The following FSHR variants were observed in gnomAD, a reference collection of about 807,000 sequenced individuals.
FSHR encodes follicle-stimulating hormone receptor.
FSHR carries 46 observed loss-of-function variants against 52.1 expected under a neutral mutation model. That is an observed-to-expected ratio of 0.88 (90% CI 0.70 to 1.13). The LOEUF is 1.13. FSHR is among the 50% of genes most tolerant of loss of function. The pLI, the probability that FSHR is intolerant of heterozygous loss-of-function variation, is 0.00. For synonymous variants in FSHR, 399 were observed against 309.6 expected (o/e 1.29, Z -3.03); for missense variants, 964 against 834.6 (o/e 1.16, Z -1.91).
chr2:48,962,538 ATTG>A lies in FSHR; in HGVS notation c.*192_*194del. ...TACAGTATTGCATTCTTTAATTATT[ATTG>A]TTGTTACTAATAATTCAGCTTCCTA... On this transcript the variant is annotated 3_prime_UTR_variant, in exon 10 of 10. Coordinates refer to ENST00000406846, the MANE Select transcript of FSHR (RefSeq NM_000145.4). 1 of 606,874 alleles carries A rather than the reference ATTG, an allele frequency of 1.6e-6. No individual in the cohort carries two copies. The highest frequency in any genetic ancestry group is 2.9e-6 in the Non-Finnish European group (1 of 344,362). 37.6% of individuals were successfully genotyped at this position (606,874 alleles called of 1,614,324 possible). A position where few individuals can be genotyped will look rare whatever the true frequency, so the allele number is the denominator to read the frequency against.
intron 1 of FSHR, among the ~76,000 whole-genome samples, chr2:49,096,017 A>G (rs1011835690): frequency 6.6e-6 from 1 of 152,222 alleles, no homozygotes; most frequent in Admixed American, 6.5e-5. Flanking sequence ...CATTGGTAGT[A>G]GAAATGTAAA....
chr2:49,045,569 G>GA (rs60550259), intron 2 of FSHR, among the ~76,000 whole-genome samples: 9,457 of 152,138 alleles, frequency 0.062, 346 homozygotes, highest in African/African-American at 0.08. Flanking sequence ...GCAAAAACAA[G>GA]AAAAAAGAAA....
chr2:48,970,655 T>C (rs1674702928), intron 8 of FSHR, among the ~76,000 whole-genome samples: 1 of 152,194 alleles, frequency 6.6e-6, no homozygotes. Flanking sequence ...GCTTCCAAAA[T>C]GTGTGTCCCC....
At chr2:49,109,378 A>C (rs1671346079) in intron 1 of FSHR, among the ~76,000 whole-genome samples, 1 of 152,092 alleles carries the variant, frequency 6.6e-6, no homozygotes, top group Admixed American at 6.6e-5. Context: ...AGTCTCATTT[A>C]AGTGTTTTAT....
intron 2 of FSHR, among the ~76,000 whole-genome samples, chr2:49,066,713 C>T (rs181241968): frequency 2.6e-5 from 4 of 152,186 alleles, no homozygotes; most frequent in Admixed American, 2.6e-4. Context: ...CGTATTGCCA[C>T]AGGAAGGTTT....
chr2:49,133,527 C>T (rs1672371557), intron 1 of FSHR, among the ~76,000 whole-genome samples: 1 of 152,172 alleles, frequency 6.6e-6, no homozygotes, highest in Admixed American at 6.5e-5. Flanking sequence ...CCATCCCCAT[C>T]AAGCTACCAA....
chr2:49,019,029 C>T (rs990875949), intron 3 of FSHR, among the ~76,000 whole-genome samples: 1 of 152,190 alleles, frequency 6.6e-6, no homozygotes, highest in Non-Finnish European at 1.5e-5. Flanking sequence ...CTGTGCCTTT[C>T]CTTCTTCATC....
At chr2:49,046,254 A>C (rs955846793) in intron 2 of FSHR, among the ~76,000 whole-genome samples, 2 of 152,226 alleles carry the variant, frequency 1.3e-5, no homozygotes, top group African/African-American at 4.8e-5. Flanking sequence ...GATAACTCTG[A>C]ATTTGTGTTT....
intron 1 of FSHR, among the ~76,000 whole-genome samples, chr2:49,072,052 C>T (rs1391841407): frequency 1.3e-5 from 2 of 152,028 alleles, no homozygotes; most frequent in African/African-American, 2.4e-5. Context: ...CAATAAAGAA[C>T]ACTAAAAACA....
At chr2:48,996,557 G>A (rs1259859933) in intron 4 of FSHR, among the ~76,000 whole-genome samples, 2 of 152,002 alleles carry the variant, frequency 1.3e-5, no homozygotes, top group African/African-American at 4.8e-5. Context: ...CATGTCTGAA[G>A]GAAGCTTATC....
chr2:49,116,899 A>C (rs1179413386), intron 1 of FSHR, among the ~76,000 whole-genome samples: 1 of 152,208 alleles, frequency 6.6e-6, no homozygotes, highest in African/African-American at 2.4e-5. Context: ...AGGAGCATTT[A>C]CTTCCTACCC....
intron 2 of FSHR, among the ~76,000 whole-genome samples, chr2:49,049,647 C>G (rs918272362): frequency 6.6e-6 from 1 of 152,072 alleles, no homozygotes; most frequent in African/African-American, 2.4e-5. Flanking sequence ...TGTATTCTTA[C>G]TGTATTTTCT....
intron 2 of FSHR, among the ~76,000 whole-genome samples, chr2:49,025,343 A>G (rs1006503225): frequency 6.6e-6 from 1 of 152,206 alleles, no homozygotes; most frequent in Non-Finnish European, 1.5e-5. Context: ...CAGTGAGAGT[A>G]GTATTCTAGG....
chr2:49,053,889 G>A (rs777846599), intron 2 of FSHR, among the ~76,000 whole-genome samples: 2 of 152,088 alleles, frequency 1.3e-5, no homozygotes, highest in African/African-American at 2.4e-5. Context: ...TGAGTATTAA[G>A]GGCCTTGACA....
At chr2:49,068,095 G>T in intron 2 of FSHR, 124 bp downstream of exon 2, 1 of 757,980 alleles carries the variant, frequency 1.3e-6, no homozygotes. Flanking sequence ...GTGAGGAGAT[G>T]CAGAAAGTTT....
At chr2:49,004,277 A>C (rs1289127324) in intron 4 of FSHR, among the ~76,000 whole-genome samples, 2 of 152,168 alleles carry the variant, frequency 1.3e-5, no homozygotes, top group Admixed American at 1.3e-4. Context: ...ACTGTCCTTT[A>C]GCTCTAGGAG....
At chr2:49,016,782 A>G (rs1303704172) in intron 4 of FSHR, among the ~76,000 whole-genome samples, 1 of 123,464 alleles carries the variant, frequency 8.1e-6, no homozygotes, top group African/African-American at 3.0e-5. Context: ...TTCAAGGATT[A>G]TTATTTCCAT....
At chr2:49,104,272 T>C (rs1039919303) in intron 1 of FSHR, among the ~76,000 whole-genome samples, 1 of 152,146 alleles carries the variant, frequency 6.6e-6, no homozygotes, top group Admixed American at 6.6e-5. Flanking sequence ...ACCTTGACTT[T>C]CTGGTCAGCC....
intron 2 of FSHR, among the ~76,000 whole-genome samples, chr2:49,024,286 AAAT>A (rs1159286441): frequency 1.3e-5 from 2 of 152,132 alleles, no homozygotes; most frequent in African/African-American, 4.8e-5. Flanking sequence ...TTAAAAAAAA[AAAT>A]AAGGGCCGGG....
Sources: allele counts gnomAD v4.1 joint callset (sites outside exome capture counted in the v4.1 genomes callset), GRCh38; gene constraint gnomAD v4.1.1; transcripts MANE v1.5; gene names NCBI Gene and HGNC (gene_info 2026-07-23, HGNC 2026-07-21).